Variants in PRKG1 observed in about 807,000 individuals in gnomAD.
The protein encoded by PRKG1 is protein kinase cGMP-dependent 1, also known as cGMP-dependent protein kinase 1.
A neutral mutation model predicts 88.1 loss-of-function variants in PRKG1; 35 were observed. That is an observed-to-expected ratio of 0.40 (90% confidence interval 0.30 to 0.53). PRKG1 has a LOEUF of 0.53. Ranked by LOEUF, PRKG1 falls within the 20% of genes least tolerant of loss-of-function variation. PRKG1 has a pLI of 0.59. For missense variants in PRKG1, 540 were observed against 839.8 expected, an observed-to-expected ratio of 0.64 and a Z score of 4.41; for synonymous variants, 303 against 292.5, an observed-to-expected ratio of 1.04 and a Z score of -0.37.
intron 3 of PRKG1, among the ~76,000 whole-genome samples, chr10:51,794,360 CTAACT>C (rs1838953544): frequency 6.6e-6 from 1 of 152,008 alleles, no homozygotes; most frequent in Non-Finnish European, 1.5e-5. Context: ...TCAAATGGAC[CTAACT>C]TAATTGTACA....
chr10:51,476,544 A>G (rs555771743), intron 3 of PRKG1, among the ~76,000 whole-genome samples: 1 of 152,190 alleles, frequency 6.6e-6, no homozygotes, highest in East Asian at 1.9e-4. Context: ...ATGGTTGTCT[A>G]TAACCTTCTG....
At chr10:51,432,989 C>A (rs2132728955) in intron 2 of PRKG1, among the ~76,000 whole-genome samples, 1 of 152,234 alleles carries the variant, frequency 6.6e-6, no homozygotes, top group African/African-American at 2.4e-5. Context: ...GAAGATAAAT[C>A]CTCCTCTTTA....
intron 1 of PRKG1, among the ~76,000 whole-genome samples, chr10:51,131,367 C>T (rs1274461615): frequency 6.6e-6 from 1 of 152,058 alleles, no homozygotes; most frequent in African/African-American, 2.4e-5. Flanking sequence ...TGTAAAACTC[C>T]ACATTAACAG....
chr10:51,628,782 ACCCCGTCT>A (rs1273968663), intron 3 of PRKG1, among the ~76,000 whole-genome samples: 2 of 151,132 alleles, frequency 1.3e-5, no homozygotes, highest in Non-Finnish European at 2.9e-5. Context: ...ACAGGGTGAA[ACCCCGTCT>A]CTACTAAAAA....
chr10:51,520,523 G>A (rs2132076078), intron 3 of PRKG1, among the ~76,000 whole-genome samples: 1 of 152,118 alleles, frequency 6.6e-6, no homozygotes, highest in South Asian at 2.1e-4. Context: ...TATCATCAAT[G>A]TCTAGCAGAG....
chr10:51,440,484 A>G (rs1839070134), intron 2 of PRKG1, among the ~76,000 whole-genome samples: 1 of 151,944 alleles, frequency 6.6e-6, no homozygotes, highest in Non-Finnish European at 1.5e-5. Context: ...AAAATTAGGG[A>G]AAAACTACAT....
intron 3 of PRKG1, among the ~76,000 whole-genome samples, chr10:51,481,891 A>G (rs747346340): frequency 5.9e-5 from 9 of 152,174 alleles, no homozygotes; most frequent in Non-Finnish European, 1.2e-4. Flanking sequence ...TGAATCACAG[A>G]AACTTGCCAG....
chr10:51,915,367 T>C (rs1024473318), intron 5 of PRKG1, among the ~76,000 whole-genome samples: 2 of 152,258 alleles, frequency 1.3e-5, no homozygotes, highest in East Asian at 1.9e-4. Flanking sequence ...CTCTTGCCAT[T>C]TAAAGCCAAG....
At chr10:51,637,218 T>A (rs1447768465) in intron 3 of PRKG1, among the ~76,000 whole-genome samples, 1 of 152,102 alleles carries the variant, frequency 6.6e-6, no homozygotes, top group Non-Finnish European at 1.5e-5. Context: ...CACGATGAGA[T>A]ATCATCTCAC....
chr10:51,233,636 G>T (rs1428356339), intron 2 of PRKG1, among the ~76,000 whole-genome samples: 2 of 152,098 alleles, frequency 1.3e-5, no homozygotes, highest in Non-Finnish European at 2.9e-5. Flanking sequence ...CTAGAAAGGG[G>T]ATAAATGAAA....
At chr10:52,030,092 T>C (rs1845440370) in intron 5 of PRKG1, among the ~76,000 whole-genome samples, 1 of 152,186 alleles carries the variant, frequency 6.6e-6, no homozygotes, top group Admixed American at 6.5e-5. Context: ...CATTTGCCCA[T>C]GGGTAAAGTC....
At chr10:51,552,616 C>A (rs1488329960) in intron 3 of PRKG1, among the ~76,000 whole-genome samples, 1 of 151,498 alleles carries the variant, frequency 6.6e-6, no homozygotes, top group Admixed American at 6.6e-5. Flanking sequence ...AATCAACTCT[C>A]CCCCATTTAA....
At position 52,180,541 on chromosome 10, in the gene PRKG1, A is replaced by G. The variant is rs116155580; in HGVS notation, c.1076+18578A>G. 4.3e-3 allele frequency among the ~76,000 whole-genome samples: 662 copies of G among 152,244 alleles called. 4 individuals are homozygous for G. The highest frequency in any genetic ancestry group is 0.015 in the African/African-American group (627 of 41,546). On this transcript the variant is annotated intron_variant, in intron 9 of 17. Coordinates refer to ENST00000373980, the MANE Select transcript of PRKG1 (RefSeq NM_006258.4). Reference sequence around the variant, plus strand: ...TATAGGTTGGATAGGGAAAGATTTTACTGATGTATGTGGGTCTTAGGATGT... The same window carrying G: ...TATAGGTTGGATAGGGAAAGATTTTGCTGATGTATGTGGGTCTTAGGATGT...
chr10:51,064,581 T>A (rs555157431), intron 1 of PRKG1, among the ~76,000 whole-genome samples: 1 of 152,190 alleles, frequency 6.6e-6, no homozygotes, highest in East Asian at 1.9e-4. Context: ...TCTTTAGGTT[T>A]TTTTAAGGTT....
intron 2 of PRKG1, among the ~76,000 whole-genome samples, chr10:51,440,322 G>A (rs541011533): frequency 6.6e-6 from 1 of 151,934 alleles, no homozygotes; most frequent in East Asian, 1.9e-4. Flanking sequence ...CAATTGTGCA[G>A]AAGAGATGCA....
chr10:51,260,905 G>A (rs1361915393), intron 2 of PRKG1, among the ~76,000 whole-genome samples: 2 of 152,122 alleles, frequency 1.3e-5, no homozygotes, highest in African/African-American at 4.8e-5. Flanking sequence ...TATAAGACAA[G>A]TACACTATAT....
chr10:51,196,004 A>T (rs757002146), intron 2 of PRKG1, among the ~76,000 whole-genome samples: 1 of 152,162 alleles, frequency 6.6e-6, no homozygotes, highest in African/African-American at 2.4e-5. Flanking sequence ...ACATACTTCA[A>T]TCTTGTAAAT....
At chr10:52,115,570 A>T (rs188302272) in intron 7 of PRKG1, among the ~76,000 whole-genome samples, 6 of 152,160 alleles carry the variant, frequency 3.9e-5, no homozygotes, top group Middle Eastern at 3.4e-3. Context: ...ACCTCTTCCC[A>T]TGGCTTTCAC....
rs1844161299 is a variant in PRKG1, at chr10:51,083,319, GT to G, written c.311+8424del. On this transcript the variant is annotated intron_variant, in intron 1 of 17. Coordinates refer to ENST00000373980, the MANE Select transcript of PRKG1 (RefSeq NM_006258.4). ...ACATTAGGATCAGCTTTCATCCCAAGTTTTTTGTTTGTTTGTTTTGTTTTTA... is the reference window on the plus strand; with the variant it reads ...ACATTAGGATCAGCTTTCATCCCAAGTTTTTGTTTGTTTGTTTTGTTTTTA... Among the ~76,000 whole-genome samples the G allele has an allele frequency of 1.3e-5, 2 of 152,170 alleles. 1 individual carries two copies. Among genetic ancestry groups the G allele is most frequent in the Non-Finnish European group, 2.9e-5 (2 of 68,036 alleles).
Sources: gnomAD v4.1 joint callset for allele counts (sites outside exome capture counted in the v4.1 genomes callset) on GRCh38, gnomAD v4.1.1 for gene constraint, MANE v1.5 for transcripts, NCBI Gene and HGNC (gene_info 2026-07-23, HGNC 2026-07-21) for gene names.